QRICH1: variants seen among roughly 807,000 people sequenced by gnomAD.
The protein encoded by QRICH1 is transcriptional regulator QRICH1.
Under a neutral mutation model 87.1 loss-of-function variants are expected in QRICH1, and 16 were observed. The ratio of observed to expected loss-of-function variants is 0.18; its 90% CI spans 0.12 to 0.28. The LOEUF (loss-of-function observed/expected upper bound fraction) is 0.28. QRICH1 is among the 10% of genes least tolerant of loss of function. The probability of loss-of-function intolerance (pLI) is 1.00; values close to 1 mark genes in which losing one functional copy is unlikely to be tolerated. For synonymous variants in QRICH1, 367 were observed against 368.4 expected (o/e 1.00, Z 0.05); for missense variants, 647 against 951.7 (o/e 0.68, Z 4.21).
intron 6 of QRICH1, among the ~76,000 whole-genome samples, chr3:49,035,384 A>C (rs1392531345): frequency 6.6e-6 from 1 of 152,076 alleles, no homozygotes; most frequent in Non-Finnish European, 1.5e-5. Context: ...CCTTTTCTTA[A>C]AAAAATAATT....
chr3:49,077,690 G>A (rs2106986687), intron 1 of QRICH1, among the ~76,000 whole-genome samples: 1 of 152,258 alleles, frequency 6.6e-6, no homozygotes, highest in South Asian at 2.1e-4. Flanking sequence ...TGTAACTCTA[G>A]AAAAGTCAAT....
intron 9 of QRICH1, among the ~76,000 whole-genome samples, chr3:49,031,215 T>G (rs2093236638): frequency 6.6e-6 from 1 of 152,138 alleles, no homozygotes; most frequent in African/African-American, 2.4e-5. Flanking sequence ...CTCGAACTCC[T>G]GACCTCAGGT....
At chr3:49,043,398 G>C (rs920048918) in intron 6 of QRICH1, among the ~76,000 whole-genome samples, 6 of 147,782 alleles carry the variant, frequency 4.1e-5, no homozygotes, top group African/African-American at 1.5e-4. Flanking sequence ...TGGGAGGCTG[G>C]GATAGGAGAA....
chr3:49,033,075 T>G (rs376655903), intron 7 of QRICH1, 45 bp downstream of exon 7: 83 of 1,353,486 alleles, frequency 6.1e-5, no homozygotes, highest in Non-Finnish European at 7.6e-5. Context: ...GCTTCCACAC[T>G]CTTCACTGGA....
intron 3 of QRICH1, 148 bp downstream of exon 3, chr3:49,056,714 G>A (rs770462646): frequency 1.4e-5 from 19 of 1,351,496 alleles, no homozygotes; most frequent in Admixed American, 2.1e-5. Flanking sequence ...CTCACGTGAT[G>A]TTTCTCCCCC....
At chr3:49,046,694 G>A (rs2093341329) in intron 4 of QRICH1, 115 bp from the exon 5 acceptor site, 3 of 1,160,088 alleles carry the variant, frequency 2.6e-6, no homozygotes, top group Admixed American at 5.4e-5. Context: ...GTATCTACTA[G>A]AATGTTTCAT....
intron 6 of QRICH1, among the ~76,000 whole-genome samples, chr3:49,035,389 A>G (rs1398692297): frequency 1.3e-5 from 2 of 152,318 alleles, no homozygotes; most frequent in Admixed American, 6.5e-5. Context: ...TCTTAAAAAA[A>G]TAATTTTTCT....
chr3:49,066,277 C>A (rs868100220), intron 2 of QRICH1, among the ~76,000 whole-genome samples: 3 of 151,600 alleles, frequency 2.0e-5, no homozygotes, highest in Admixed American at 6.6e-5. Flanking sequence ...GACAGTGAGA[C>A]CTCCATCTCA....
At chr3:49,090,273 C>T (rs533649261) in intron 1 of QRICH1, among the ~76,000 whole-genome samples, 1 of 152,194 alleles carries the variant, frequency 6.6e-6, no homozygotes, top group South Asian at 2.1e-4. Flanking sequence ...TGCTGGCTAA[C>T]ACGGTGAAAC....
intron 3 of QRICH1, among the ~76,000 whole-genome samples, chr3:49,052,488 G>A (rs1020693769): frequency 9.9e-5 from 15 of 152,214 alleles, no homozygotes; most frequent in Admixed American, 8.5e-4. Context: ...ATGCAGGGTT[G>A]AATCTCAATT....
chr3:49,060,925 G>A (rs2106919472), intron 2 of QRICH1, among the ~76,000 whole-genome samples: 1 of 151,740 alleles, frequency 6.6e-6, no homozygotes, highest in Non-Finnish European at 1.5e-5. Context: ...GAGGCCAGGA[G>A]TTCAAGACCA....
chr3:49,071,740 T>C (rs1559947732), intron 2 of QRICH1, among the ~76,000 whole-genome samples: 1 of 152,194 alleles, frequency 6.6e-6, no homozygotes, highest in Non-Finnish European at 1.5e-5. Flanking sequence ...TGTAAAAGGC[T>C]AGAGTGCAGT....
intron 6 of QRICH1, among the ~76,000 whole-genome samples, chr3:49,042,773 A>G (rs1190882503): frequency 6.6e-6 from 1 of 151,770 alleles, no homozygotes; most frequent in East Asian, 1.9e-4. Flanking sequence ...GGGTTTCACC[A>G]TGTTAGCCAG....
intron 3 of QRICH1, among the ~76,000 whole-genome samples, chr3:49,050,588 A>C (rs375109394): frequency 6.6e-6 from 1 of 152,044 alleles, no homozygotes; most frequent in African/African-American, 2.4e-5. Flanking sequence ...CGATATATTA[A>C]ATTACAGTCC....
At chr3:49,065,401 A>G (rs1285199381) in intron 2 of QRICH1, among the ~76,000 whole-genome samples, 1 of 152,186 alleles carries the variant, frequency 6.6e-6, no homozygotes. Context: ...CCACCTCGGC[A>G]TCCCAAAGTG....
intron 1 of QRICH1, among the ~76,000 whole-genome samples, chr3:49,082,745 A>T (rs921414262): frequency 1.3e-5 from 2 of 151,590 alleles, no homozygotes; most frequent in African/African-American, 4.9e-5. Flanking sequence ...AATACAAAAA[A>T]TTACCCTGGC....
At chr3:49,087,972 GAC>G (rs201110529) in intron 1 of QRICH1, among the ~76,000 whole-genome samples, 4,651 of 143,450 alleles carry the variant, frequency 0.032, 101 homozygotes, top group Non-Finnish European at 0.048. Flanking sequence ...TTTTTTTTGA[GAC>G]AGAGTCTCAC....
chr3:49,082,832 T>C (rs1328245082), intron 1 of QRICH1, among the ~76,000 whole-genome samples: 1 of 149,570 alleles, frequency 6.7e-6, no homozygotes, highest in Non-Finnish European at 1.5e-5. Context: ...GAGGCAGAGC[T>C]TGCAGTGAGC....
intron 6 of QRICH1, among the ~76,000 whole-genome samples, chr3:49,043,787 C>T (rs982806009): frequency 2.0e-5 from 3 of 152,160 alleles, no homozygotes; most frequent in Non-Finnish European, 4.4e-5. Context: ...GAGCCAAGAT[C>T]GTGCCACTGC....
Sources: allele counts gnomAD v4.1 joint callset (sites outside exome capture counted in the v4.1 genomes callset), GRCh38; gene constraint gnomAD v4.1.1; transcripts MANE v1.5; gene names NCBI Gene and HGNC (gene_info 2026-07-23, HGNC 2026-07-21).